Variants in TRAP1 observed in about 807,000 individuals in gnomAD.
TRAP1 encodes heat shock protein 75 kDa, mitochondrial.
Under a neutral mutation model 89.1 loss-of-function variants are expected in TRAP1, and 102 were observed. The observed-to-expected ratio is 1.15, with a 90% CI of 0.98 to 1.35. The LOEUF (loss-of-function observed/expected upper bound fraction) is 1.35, where lower values mean the gene tolerates loss of function less well. Ranked by LOEUF, TRAP1 falls within the 40% of genes most tolerant of loss-of-function variation. The probability of loss-of-function intolerance (pLI) is 0.00; values close to 1 mark genes in which losing one functional copy is unlikely to be tolerated. For missense variants in TRAP1, 1,256 were observed against 945.3 expected, an observed-to-expected ratio of 1.33 and a Z score of -4.31; for synonymous variants, 508 against 388.0, an observed-to-expected ratio of 1.31 and a Z score of -3.64.
Position 3,709,940 on chromosome 16 carries a change from G to A in TRAP1, c.88+7481C>T, listed in dbSNP as rs575907379. Among the ~76,000 whole-genome samples, 38 of 152,270 alleles carry A rather than the reference G, an allele frequency of 2.5e-4. 1 individual carries two copies. Among genetic ancestry groups the A allele is most frequent in the African/African-American group, 7.0e-4 (29 of 41,558 alleles). On this transcript the variant is annotated intron_variant, in intron 1 of 17. Coordinates refer to ENST00000246957, the MANE Select transcript of TRAP1 (RefSeq NM_016292.3). ...GCTGGGATTACAGGCGTGAGCCACC[G>A]CGCCTGGCGAGAAGATTCTTAAGTA... is the stretch of plus-strand genomic sequence containing the variant.
At chr16:3,711,678 C>A (rs572062351) in intron 1 of TRAP1, among the ~76,000 whole-genome samples, 2 of 152,026 alleles carry the variant, frequency 1.3e-5, no homozygotes, top group African/African-American at 4.8e-5. Flanking sequence ...CAAGTAGATA[C>A]TGTTTCTCCA....
intron 1 of TRAP1, among the ~76,000 whole-genome samples, chr16:3,703,617 G>A (rs945707651): frequency 6.6e-6 from 1 of 152,026 alleles, no homozygotes; most frequent in African/African-American, 2.4e-5. Flanking sequence ...TCTGAGGCAT[G>A]TCAGTGGGAG....
rs145166038 is a variant in TRAP1 at position 3,702,949 on chromosome 16, G to C, written c.89-11964C>G. On this transcript the variant is annotated intron_variant, in intron 1 of 17. Coordinates refer to ENST00000246957, the MANE Select transcript of TRAP1 (RefSeq NM_016292.3). Reference sequence around the variant, plus strand: ...CCCAGCTACTTGGGAGGCCGAGGTAGGAGAATCGCTTGAACCCAGGAGGTG... The same window carrying C: ...CCCAGCTACTTGGGAGGCCGAGGTACGAGAATCGCTTGAACCCAGGAGGTG... Among the ~76,000 whole-genome samples, 653 of 150,050 alleles carry C rather than the reference G, an allele frequency of 4.4e-3. 15 individuals are homozygous for C. The highest frequency in any genetic ancestry group is 0.016 in the African/African-American group (628 of 40,262).
In TRAP1 at chr16:3,682,003, G is replaced by C. The variant is rs575388364; in HGVS notation, c.472-2213C>G. 9.9e-5 allele frequency among the ~76,000 whole-genome samples: 15 copies of C among 152,240 alleles called. 1 individual carries two copies. Among genetic ancestry groups the C allele is most frequent in the African/African-American group, 3.6e-4 (15 of 41,550 alleles). ...AAGACAGTGCGATGTGGGCATTTAA[G>C]GATCGACACATGGATGAAAGAACCA... On this transcript the variant is annotated intron_variant, in intron 4 of 17. Transcript: ENST00000246957.
chr16:3,671,688 CA>C (rs1484788686), intron 11 of TRAP1, 33 bp downstream of exon 11: 2 of 1,607,078 alleles, frequency 1.2e-6, no homozygotes, highest in South Asian at 2.2e-5. Flanking sequence ...GCCTTGTCCC[CA>C]GCAGGGTCCT....
intron 15 of TRAP1, 25 bp from the exon 16 acceptor site, chr16:3,662,157 G>A (rs1198639884): frequency 3.1e-6 from 5 of 1,595,938 alleles, no homozygotes; most frequent in Middle Eastern, 1.7e-4. Flanking sequence ...CGGGGTTGAG[G>A]GTGATAGAGG....
intron 3 of TRAP1, 116 bp downstream of exon 3, chr16:3,688,939 A>C: frequency 1.1e-6 from 1 of 948,870 alleles, no homozygotes; most frequent in East Asian, 2.6e-5. Flanking sequence ...ACCTGTCCAA[A>C]GTTTAATGCT....
chr16:3,685,931 G>A lies in TRAP1; in HGVS notation c.471+65C>T, dbSNP rs113458195. On this transcript the variant is annotated intron_variant, in intron 4 of 17. Coordinates refer to ENST00000246957, the MANE Select transcript of TRAP1 (RefSeq NM_016292.3). ...GTCCCTGGGACCCGAGACATCACTA[G>A]AAGGCGGATCCTGTCCTTGCTGCAT... 2,849 of 1,570,940 alleles carry A rather than the reference G, an allele frequency of 1.8e-3. 41 individuals are homozygous for A. The African/African-American group carries it at 0.033, about 18-fold the overall frequency.
intron 1 of TRAP1, 63 bp downstream of exon 1, chr16:3,717,358 G>C: frequency 1.5e-6 from 1 of 650,456 alleles, no homozygotes; most frequent in Non-Finnish European, 2.2e-6. Context: ...CGGAGCACAG[G>C]GACGTCCCTG....
At chr16:3,663,213 G>A (rs1381662417) in intron 14 of TRAP1, 4 of 704,280 alleles carry the variant, frequency 5.7e-6, no homozygotes, top group Non-Finnish European at 9.2e-6. Context: ...AGCTCCAGAA[G>A]CCACCGTGGC....
At chr16:3,696,406 A>T (rs1040204189) in intron 1 of TRAP1, among the ~76,000 whole-genome samples, 30 of 152,204 alleles carry the variant, frequency 2.0e-4, no homozygotes, top group African/African-American at 7.0e-4. Flanking sequence ...GTAAGCTGTG[A>T]CCCGGCAAAT....
At chr16:3,676,320 G>C in intron 6 of TRAP1, 175 bp from the exon 7 acceptor site, 1 of 310,686 alleles carries the variant, frequency 3.2e-6, no homozygotes, top group Non-Finnish European at 5.8e-6. Flanking sequence ...TGCCCATCAG[G>C]AACGATGAGC....
At chr16:3,662,548 A>G (rs2043144421) in intron 15 of TRAP1, 1 of 557,020 alleles carries the variant, frequency 1.8e-6, no homozygotes, top group African/African-American at 1.9e-5. Context: ...CACCCAAGTG[A>G]GCATGTGAGC....
chr16:3,684,939 GA>G (rs1277352576), intron 4 of TRAP1, among the ~76,000 whole-genome samples: 1 of 152,146 alleles, frequency 6.6e-6, no homozygotes, highest in African/African-American at 2.4e-5. Flanking sequence ...TAAGAAAAAA[GA>G]AGACAAAAGA....
intron 1 of TRAP1, among the ~76,000 whole-genome samples, chr16:3,709,136 A>C (rs1292466608): frequency 6.6e-6 from 1 of 150,584 alleles, no homozygotes; most frequent in Non-Finnish European, 1.5e-5. Context: ...CAATTTTTAA[A>C]AGTTATTTAA....
At chr16:3,660,946 C>G (rs994981185) in intron 16 of TRAP1, 1 of 129,656 alleles carries the variant, frequency 7.7e-6, no homozygotes, top group African/African-American at 2.5e-5. Context: ...ACTACTTAGG[C>G]TACATTGTGG....
chr16:3,711,599 GA>G (rs951511400), intron 1 of TRAP1, among the ~76,000 whole-genome samples: 1 of 145,688 alleles, frequency 6.9e-6, no homozygotes, highest in Non-Finnish European at 1.5e-5. Context: ...ACTCCATCTT[GA>G]AAAAAACAAA....
chr16:3,690,182 T>C (rs1296882037), intron 2 of TRAP1, among the ~76,000 whole-genome samples: 1 of 152,008 alleles, frequency 6.6e-6, no homozygotes, highest in Non-Finnish European at 1.5e-5. Flanking sequence ...AACTTTTTAA[T>C]TTTTTTCTGT....
intron 16 of TRAP1, 84 bp downstream of exon 16, chr16:3,661,903 G>T: frequency 4.7e-6 from 7 of 1,474,838 alleles, no homozygotes; most frequent in Non-Finnish European, 6.3e-6. Flanking sequence ...CTTTTCTTCT[G>T]TGTCACATTC....
Sources: gnomAD v4.1 joint callset for allele counts (sites outside exome capture counted in the v4.1 genomes callset) on GRCh38, gnomAD v4.1.1 for gene constraint, MANE v1.5 for transcripts, NCBI Gene and HGNC (gene_info 2026-07-23, HGNC 2026-07-21) for gene names.